Variants in SLC12A1 observed in about 807,000 individuals in gnomAD.
SLC12A1 encodes the protein Na-K-2Cl cotransporter.
A neutral mutation model predicts 130.4 loss-of-function variants in SLC12A1; 89 were observed. The observed-to-expected ratio is 0.68, with a 90% CI of 0.58 to 0.81. SLC12A1 has a LOEUF of 0.81. Among genes scored for constraint, SLC12A1 ranks in the 40% least tolerant of loss-of-function variants. SLC12A1 has a pLI of 0.00. For missense variants in SLC12A1, 1,310 were observed against 1,336.4 expected, an observed-to-expected ratio of 0.98 and a Z score of 0.31; for synonymous variants, 499 against 460.0, an observed-to-expected ratio of 1.08 and a Z score of -1.09.
chr15:48,284,079 C>A (rs2042034004), intron 20 of SLC12A1, among the ~76,000 whole-genome samples: 1 of 152,204 alleles, frequency 6.6e-6, no homozygotes, highest in South Asian at 2.1e-4. Flanking sequence ...CAACCTTGGG[C>A]AGGAAATTTT....
At chr15:48,283,437 T>C (rs143732638) in intron 20 of SLC12A1, among the ~76,000 whole-genome samples, 1 of 152,350 alleles carries the variant, frequency 6.6e-6, no homozygotes, top group African/African-American at 2.4e-5. Context: ...TGTCTCAGCT[T>C]TAATACCATC....
chr15:48,254,395 A>G (rs2041679919), intron 15 of SLC12A1, among the ~76,000 whole-genome samples: 1 of 152,026 alleles, frequency 6.6e-6, no homozygotes, highest in South Asian at 2.1e-4. Flanking sequence ...GGTATGCTTA[A>G]TGCCTGATGC....
intron 14 of SLC12A1, among the ~76,000 whole-genome samples, chr15:48,250,663 G>A (rs2041636398): frequency 2.4e-5 from 2 of 83,410 alleles, no homozygotes; most frequent in African/African-American, 1.2e-4. Context: ...CACAAACCCA[G>A]AAAATGTCTG....
intron 19 of SLC12A1, 85 bp downstream of exon 19, chr15:48,269,849 G>A: frequency 4.5e-6 from 3 of 666,704 alleles, no homozygotes; most frequent in Non-Finnish European, 7.9e-6. Context: ...TAACACTGTT[G>A]TGTCAGATTA....
At chr15:48,209,092 G>C (rs949274150) in intron 2 of SLC12A1, among the ~76,000 whole-genome samples, 1 of 152,118 alleles carries the variant, frequency 6.6e-6, no homozygotes, top group South Asian at 2.1e-4. Flanking sequence ...ACGAAGTATC[G>C]CTCTTGTTGC....
At chr15:48,284,433 T>G (rs895970482) in intron 20 of SLC12A1, among the ~76,000 whole-genome samples, 3 of 152,228 alleles carry the variant, frequency 2.0e-5, no homozygotes, top group African/African-American at 7.2e-5. Context: ...CCCACTAGCT[T>G]AGGTCAGTAA....
At chr15:48,280,577 C>T (rs2042000149) in intron 20 of SLC12A1, among the ~76,000 whole-genome samples, 1 of 152,280 alleles carries the variant, frequency 6.6e-6, no homozygotes, top group South Asian at 2.1e-4. Flanking sequence ...CTCTCAGTAG[C>T]AATGTGGCCT....
intron 14 of SLC12A1, among the ~76,000 whole-genome samples, chr15:48,251,100 A>G (rs1210844295): frequency 6.6e-6 from 1 of 152,150 alleles, no homozygotes; most frequent in Non-Finnish European, 1.5e-5. Flanking sequence ...TATTTCTGAA[A>G]GGGCAAGCAC....
Position 48,244,785 on chromosome 15 carries a change from A to C in SLC12A1, c.1333A>C (p.Met445Leu). Residue 445 changes from methionine to leucine, a missense_variant, in exon 11 of 27, where the codon ATG becomes CTG. By Grantham distance (15) the Met-to-Leu change is conservative. Coordinates refer to ENST00000380993, the MANE Select transcript of SLC12A1 (RefSeq NM_000338.3). ...ACVVRDATGN[M>L]NDTIISGMNC... is the part of the protein sequence containing the mutation. The stretch of plus-strand genomic sequence containing the variant: ...TGTGGTCCGAGATGCCACCGGGAAC[A>C]TGAATGACACCATCATTTCTGGGAT... 1 of 1,614,038 alleles carries C rather than the reference A, an allele frequency of 6.2e-7. No homozygotes were observed. Among genetic ancestry groups the C allele is most frequent in the Non-Finnish European group, 8.5e-7 (1 of 1,179,892 alleles).
chr15:48,280,289 A>T (rs1321976627), intron 20 of SLC12A1, among the ~76,000 whole-genome samples: 2 of 152,222 alleles, frequency 1.3e-5, no homozygotes, highest in African/African-American at 4.8e-5. Context: ...GCACTTGAAA[A>T]TACAGTAACT....
chr15:48,241,366 G>A, intron 9 of SLC12A1, 149 bp from the exon 10 acceptor site: 1 of 670,288 alleles, frequency 1.5e-6, no homozygotes, highest in Non-Finnish European at 2.7e-6. Flanking sequence ...TAAAGCTCAA[G>A]CTCATCAACT....
At chr15:48,285,337 T>C in intron 21 of SLC12A1, 88 bp downstream of exon 21, 1 of 1,311,104 alleles carries the variant, frequency 7.6e-7, no homozygotes, top group Non-Finnish European at 1.1e-6. Flanking sequence ...GCATCTAAGA[T>C]GTTGGGAGCA....
At chr15:48,299,406 T>C in intron 25 of SLC12A1, 131 bp downstream of exon 25, 1 of 841,692 alleles carries the variant, frequency 1.2e-6, no homozygotes, top group Non-Finnish European at 1.7e-6. Context: ...CTTTCTGCAT[T>C]TTTCAAGTGC....
At chr15:48,262,439 A>G (rs1021249213) in intron 17 of SLC12A1, among the ~76,000 whole-genome samples, 1 of 152,188 alleles carries the variant, frequency 6.6e-6, no homozygotes, top group African/African-American at 2.4e-5. Flanking sequence ...ATTAATTTCA[A>G]ATAATCATTA....
chr15:48,251,704 T>C lies in SLC12A1; in HGVS notation c.1876T>C (p.Trp626Arg). ...TGCAGTCATGTTTGTCATCAACTGG[T>C]GGGCAGCTGTCATCACCTATGTCAT... Reference protein sequence around the residue: ...CCAVMFVINWWAAVITYVIEF... With the variant: ...CCAVMFVINWRAAVITYVIEF... The change falls in exon 15 of 27, where the codon TGG (tryptophan) becomes CGG (arginine). Residue 626 changes from tryptophan to arginine, a missense_variant. By Grantham distance (101) the Trp-to-Arg change is moderately radical. Transcript: ENST00000380993. The C allele has an allele frequency of 2.5e-6, 4 of 1,613,816 alleles. No homozygotes were observed. The highest frequency in any genetic ancestry group is 3.4e-6 in the Non-Finnish European group (4 of 1,179,718).
chr15:48,296,078 C>A (rs2042175164), intron 24 of SLC12A1, among the ~76,000 whole-genome samples: 1 of 152,184 alleles, frequency 6.6e-6, no homozygotes, highest in South Asian at 2.1e-4. Context: ...GAGAATAGAA[C>A]ACTGGCTCTA....
intron 10 of SLC12A1, among the ~76,000 whole-genome samples, chr15:48,244,447 A>T (rs975418339): frequency 5.9e-5 from 9 of 152,212 alleles, no homozygotes; most frequent in African/African-American, 2.2e-4. Flanking sequence ...TATATTGAGT[A>T]TGTGTTATGT....
intron 10 of SLC12A1, among the ~76,000 whole-genome samples, 188 bp from the exon 11 acceptor site, chr15:48,244,565 G>A (rs1016497806): frequency 2.6e-5 from 4 of 152,168 alleles, no homozygotes; most frequent in Non-Finnish European, 5.9e-5. Context: ...TGAAATGGCA[G>A]CCTGTTACAG....
chr15:48,228,849 T>C (rs1398975601), intron 5 of SLC12A1: 1 of 173,858 alleles, frequency 5.8e-6, no homozygotes, highest in African/African-American at 2.4e-5. Context: ...TATAAAATTT[T>C]ACTTCAGTTG....
Sources: gnomAD v4.1 joint callset for allele counts (sites outside exome capture counted in the v4.1 genomes callset) on GRCh38, gnomAD v4.1.1 for gene constraint, MANE v1.5 for transcripts, NCBI Gene and HGNC (gene_info 2026-07-23, HGNC 2026-07-21) for gene names.